Variants in RANBP2 observed in about 807,000 individuals in gnomAD.
RANBP2 encodes the protein RAN binding protein 2, also known as E3 SUMO-protein ligase RanBP2.
In RANBP2, 57 loss-of-function variants were observed where a neutral mutation model predicts 303.6. The observed-to-expected ratio is 0.19, with a 90% CI of 0.15 to 0.23. The LOEUF (loss-of-function observed/expected upper bound fraction) is 0.23, where lower values mean the gene tolerates loss of function less well. Among genes scored for constraint, RANBP2 ranks in the 10% least tolerant of loss-of-function variants. RANBP2 has a pLI of 1.00. For synonymous variants in RANBP2, 1,167 were observed against 1,301.5 expected (o/e 0.90, Z 2.23); for missense variants, 3,138 against 3,780.8 (o/e 0.83, Z 4.46).
chr2:109,655,153 A>C, the RANBP2 span, among the ~76,000 whole-genome samples: 2 of 152,120 alleles, frequency 1.3e-5, no homozygotes, highest in Non-Finnish European at 2.9e-5. Context: ...CACCCGCCTC[A>C]GCCTCCCAAA....
chr2:108,787,711 GT>G (rs201977919), downstream of RANBP2, among the ~76,000 whole-genome samples: 40 of 147,840 alleles, frequency 2.7e-4, no homozygotes, highest in African/African-American at 8.2e-4. Context: ...CTGTAAGGTT[GT>G]TTTTTTTTTG....
chr2:109,610,916 T>TG, the RANBP2 span, among the ~76,000 whole-genome samples: 112 of 152,184 alleles, frequency 7.4e-4, no homozygotes, highest in African/African-American at 2.6e-3. Flanking sequence ...GCTAAAAATC[T>TG]GGGGGAGAGA....
chr2:108,965,313 TA>T, the RANBP2 span, among the ~76,000 whole-genome samples: 2 of 151,918 alleles, frequency 1.3e-5, no homozygotes, highest in Non-Finnish European at 2.9e-5. Flanking sequence ...CCATCTCTAC[TA>T]AAAATACAAA....
At chr2:109,468,967 G>A in the RANBP2 span, among the ~76,000 whole-genome samples, 3 of 150,148 alleles carry the variant, frequency 2.0e-5, no homozygotes, top group South Asian at 2.1e-4. Flanking sequence ...GTGGTCTCCC[G>A]GGGGCTACTA....
chr2:109,089,078 A>G, the RANBP2 span, among the ~76,000 whole-genome samples: 1 of 149,450 alleles, frequency 6.7e-6, no homozygotes, highest in Non-Finnish European at 1.5e-5. Flanking sequence ...AGTAAAGAAC[A>G]GGGGAAGCAA....
the RANBP2 span, chr2:109,347,832 A>C: frequency 1.9e-6 from 3 of 1,613,994 alleles, no homozygotes; most frequent in Non-Finnish European, 2.5e-6. Context: ...GCTTCCTCCC[A>C]GCCAGCTATA....
the RANBP2 span, among the ~76,000 whole-genome samples, chr2:109,144,873 G>A: frequency 1.3e-5 from 2 of 152,236 alleles, no homozygotes; most frequent in South Asian, 2.1e-4. Flanking sequence ...AATAGGCCTC[G>A]CTCAGCAAGC....
the RANBP2 span, among the ~76,000 whole-genome samples, chr2:109,004,293 G>A: frequency 1.3e-3 from 191 of 152,270 alleles, no homozygotes; most frequent in African/African-American, 4.5e-3. Context: ...CTGAACTCAG[G>A]GAGGCTGCTC....
the RANBP2 span, among the ~76,000 whole-genome samples, chr2:108,845,851 G>A: frequency 3.9e-5 from 6 of 152,154 alleles, no homozygotes; most frequent in African/African-American, 1.4e-4. Context: ...GATTACAGGC[G>A]TGAGCCACCG....
chr2:108,719,493 C>T lies in RANBP2; in HGVS notation c.-114C>T, dbSNP rs1404743781. 4.6e-6 allele frequency: 7 copies of T among 1,513,384 alleles called. No individual in the cohort carries two copies. Among genetic ancestry groups the T allele is most frequent in the South Asian group, 1.2e-5 (1 of 83,070 alleles). 93.7% of individuals were successfully genotyped at this position (1,513,384 alleles called of 1,614,324 possible). On this transcript the variant is annotated 5_prime_UTR_variant, in exon 1 of 29. Coordinates refer to ENST00000283195, the MANE Select transcript of RANBP2 (RefSeq NM_006267.5). ...GCCGCAAGTTCGTCACAGTGGTCCT[C>T]CGCCGGCTACGGCGCTGCGTCACTG... is the stretch of plus-strand genomic sequence containing the variant.
the RANBP2 span, among the ~76,000 whole-genome samples, chr2:109,374,747 C>T: frequency 8.5e-5 from 13 of 152,338 alleles, no homozygotes; most frequent in East Asian, 9.7e-4. Flanking sequence ...CCGCTCCAGC[C>T]GGGATCTGCA....
chr2:108,913,618 A>G, the RANBP2 span, among the ~76,000 whole-genome samples: 3 of 152,080 alleles, frequency 2.0e-5, no homozygotes, highest in African/African-American at 7.2e-5. Context: ...CTTGATTTAT[A>G]CATATAAATA....
chr2:109,435,250 C>T, the RANBP2 span, among the ~76,000 whole-genome samples: 1 of 152,218 alleles, frequency 6.6e-6, no homozygotes. Flanking sequence ...CAGCACAAAA[C>T]AGGAAATCTG....
In RANBP2 at chr2:108,762,192, A is replaced by C. The variant is rs747464401; in HGVS notation, c.2694A>C (p.Thr898=). 1.9e-6 allele frequency: 3 copies of C among 1,579,680 alleles called. No individual in the cohort carries two copies. In the Admixed American group the frequency reaches 5.2e-5, roughly 27 times the overall value. The part of the protein sequence containing the change: ...LLRPAANVTP[T]KGPVYGMNRL... ...GACCAGCAGCTAATGTTACTCCCACAAAGGTAACAAAGGAATAATTTATAC... is the reference window on the plus strand; with the variant it reads ...GACCAGCAGCTAATGTTACTCCCACCAAGGTAACAAAGGAATAATTTATAC... Residue 898 remains threonine (T), a synonymous_variant, in exon 19 of 29, where the codon ACA becomes ACC. Coordinates refer to ENST00000283195, the MANE Select transcript of RANBP2 (RefSeq NM_006267.5).
chr2:109,465,527 G>C, the RANBP2 span, among the ~76,000 whole-genome samples: 5 of 152,294 alleles, frequency 3.3e-5, no homozygotes, highest in African/African-American at 1.2e-4. Flanking sequence ...CATCCTAATA[G>C]TTATGTAGTG....
downstream of RANBP2, chr2:108,788,725 AAAAAAAAG>A (rs1367818103): frequency 3.0e-6 from 4 of 1,351,126 alleles, no homozygotes; most frequent in Non-Finnish European, 3.9e-6. Context: ...GTCTCAAAGA[AAAAAAAAG>A]AAAAAAAAAT....
the RANBP2 span, chr2:109,546,139 G>T: frequency 1.2e-6 from 2 of 1,611,120 alleles, no homozygotes; most frequent in South Asian, 1.1e-5. Context: ...TCTTTTTAGA[G>T]AAAGCAATTA....
the RANBP2 span, among the ~76,000 whole-genome samples, chr2:109,417,443 G>A: frequency 5.3e-5 from 8 of 152,260 alleles, no homozygotes; most frequent in Middle Eastern, 0.01. Context: ...GAATCCATCC[G>A]TGGGAAGGAA....
the RANBP2 span, among the ~76,000 whole-genome samples, chr2:108,969,302 A>G: frequency 6.6e-6 from 1 of 152,072 alleles, no homozygotes; most frequent in Non-Finnish European, 1.5e-5. Flanking sequence ...TGTCTTTCCA[A>G]GACCTTATTT....
Sources: gnomAD v4.1 joint callset for allele counts (sites outside exome capture counted in the v4.1 genomes callset) on GRCh38, gnomAD v4.1.1 for gene constraint, MANE v1.5 for transcripts, NCBI Gene and HGNC (gene_info 2026-07-23, HGNC 2026-07-21) for gene names.